Variants in PLCB4 observed in about 807,000 individuals in gnomAD.
The protein encoded by PLCB4 is phospholipase C beta 4, also known as 1-phosphatidylinositol 4,5-bisphosphate phosphodiesterase beta-4.
A neutral mutation model predicts 178.8 loss-of-function variants in PLCB4; 77 were observed. The ratio of observed to expected loss-of-function variants is 0.43; its 90% CI spans 0.36 to 0.52. PLCB4 has a LOEUF of 0.52. Among genes scored for constraint, PLCB4 ranks in the 20% least tolerant of loss-of-function variants. The pLI is 0.00. For synonymous variants in PLCB4, 496 were observed against 490.8 expected (o/e 1.01, Z -0.14); for missense variants, 1,024 against 1,453.4 (o/e 0.70, Z 4.80).
chr20:9,377,110 T>G (rs1223321809), intron 12 of PLCB4, among the ~76,000 whole-genome samples: 2 of 152,146 alleles, frequency 1.3e-5, no homozygotes, highest in Non-Finnish European at 2.9e-5. Context: ...AACATTCATC[T>G]CTCCCAGTGC....
At chr20:9,284,737 A>G (rs941723451) in intron 3 of PLCB4, among the ~76,000 whole-genome samples, 3 of 152,122 alleles carry the variant, frequency 2.0e-5, no homozygotes, top group African/African-American at 7.2e-5. Context: ...AATAGATCAG[A>G]GATAAATAGA....
chr20:9,463,470 G>A (rs1397750068), intron 35 of PLCB4, among the ~76,000 whole-genome samples: 1 of 151,484 alleles, frequency 6.6e-6, no homozygotes, highest in Admixed American at 6.6e-5. Context: ...ACACAGACTG[G>A]CAAACTGGAT....
At chr20:9,394,742 G>A (rs1173472966) in intron 18 of PLCB4, among the ~76,000 whole-genome samples, 8 of 152,034 alleles carry the variant, frequency 5.3e-5, no homozygotes, top group Non-Finnish European at 8.8e-5. Context: ...CAGCCAAAAC[G>A]TATATATATT....
intron 7 of PLCB4, 36 bp downstream of exon 7, chr20:9,339,073 C>T: frequency 6.5e-7 from 1 of 1,544,076 alleles, no homozygotes. Context: ...CTCTTCCCCA[C>T]CATGTATATA....
intron 28 of PLCB4, among the ~76,000 whole-genome samples, chr20:9,429,328 C>T (rs770389845): frequency 6.6e-6 from 1 of 152,068 alleles, no homozygotes; most frequent in Non-Finnish European, 1.5e-5. Flanking sequence ...CAGTGGATGC[C>T]GATCAGCACT....
intron 2 of PLCB4, among the ~76,000 whole-genome samples, chr20:9,190,666 T>C (rs930721937): frequency 2.0e-5 from 3 of 151,756 alleles, no homozygotes; most frequent in African/African-American, 7.3e-5. Flanking sequence ...AAAGAAGGAG[T>C]CAAAAATAAC....
At chr20:9,286,530 A>G (rs1241141943) in intron 3 of PLCB4, among the ~76,000 whole-genome samples, 2 of 152,026 alleles carry the variant, frequency 1.3e-5, no homozygotes, top group Non-Finnish European at 2.9e-5. Context: ...GTTTTATTCC[A>G]TGAGGCCAAG....
At chr20:9,118,351 G>A (rs1054861148) in intron 2 of PLCB4, among the ~76,000 whole-genome samples, 12 of 147,388 alleles carry the variant, frequency 8.1e-5, no homozygotes, top group Admixed American at 4.8e-4. Context: ...ACAGAGCAAC[G>A]GTAAGTGCAA....
chr20:9,347,034 T>C (rs1462508453), intron 7 of PLCB4, among the ~76,000 whole-genome samples: 2 of 152,188 alleles, frequency 1.3e-5, no homozygotes, highest in African/African-American at 2.4e-5. Context: ...GATGGCGCTC[T>C]CTGAACTCTG....
chr20:9,314,732 CCT>C (rs1178956312), intron 4 of PLCB4, among the ~76,000 whole-genome samples: 1 of 152,058 alleles, frequency 6.6e-6, no homozygotes, highest in Non-Finnish European at 1.5e-5. Flanking sequence ...GGCGCATCTT[CCT>C]CTCTCAGTCC....
chr20:9,211,944 G>C (rs1188889266), intron 2 of PLCB4, among the ~76,000 whole-genome samples: 2 of 152,142 alleles, frequency 1.3e-5, no homozygotes, highest in Non-Finnish European at 2.9e-5. Context: ...GTTCCGCTTT[G>C]GGAAATAATG....
chr20:9,326,038 G>A (rs114619156), intron 4 of PLCB4, among the ~76,000 whole-genome samples: 2,544 of 152,162 alleles, frequency 0.017, 71 homozygotes, highest in African/African-American at 0.058. Context: ...AGGGGCAGCC[G>A]TCTCTCTGGA....
rs528043328 is a variant in PLCB4, at chr20:9,220,477, C to CA, written c.-16+3033dup. ...TCAAACCCTGTCTCTACTAAAAATACAAAAAAAAGTTAGCTGGGCATGGTG... is the reference window on the plus strand; with the variant it reads ...TCAAACCCTGTCTCTACTAAAAATACAAAAAAAAAGTTAGCTGGGCATGGTG... On this transcript the variant is annotated intron_variant, in intron 3 of 39. Transcript: ENST00000378473. Among the ~76,000 whole-genome samples, 11 of 151,934 alleles carry CA rather than the reference C, an allele frequency of 7.2e-5. No individual in the cohort carries two copies. In the South Asian group the frequency reaches 1.9e-3, roughly 26 times the overall value.
At chr20:9,280,398 C>T (rs897455655) in intron 3 of PLCB4, 20 of 949,186 alleles carry the variant, frequency 2.1e-5, no homozygotes, top group Non-Finnish European at 6.3e-6. Context: ...GAAGACCTAT[C>T]AAAGGACAAA....
At chr20:9,250,569 T>C (rs1026400432) in intron 3 of PLCB4, among the ~76,000 whole-genome samples, 2 of 152,214 alleles carry the variant, frequency 1.3e-5, no homozygotes, top group Non-Finnish European at 2.9e-5. Context: ...GAAGTGTCCT[T>C]TTGAGATGTG....
At chr20:9,474,376 A>C (rs1331614964) in intron 38 of PLCB4, among the ~76,000 whole-genome samples, 2 of 152,200 alleles carry the variant, frequency 1.3e-5, no homozygotes, top group Non-Finnish European at 2.9e-5. Flanking sequence ...ACCTTTAATT[A>C]ATGGAAATCC....
rs1300329293 is a variant in PLCB4 at position 9,442,469 on chromosome 20, G to A, written c.2765-1512G>A. 1.1e-4 allele frequency among the ~76,000 whole-genome samples: 16 copies of A among 152,068 alleles called. 1 individual carries two copies. The highest frequency in any genetic ancestry group is 1.0e-3 in the Admixed American group (16 of 15,256). Reference sequence around the variant, plus strand: ...AAAACACAAAACCAGGTAGTTGAGGGAAGTTTATGTTTTTGTAGGTTCCTT... The same window carrying A: ...AAAACACAAAACCAGGTAGTTGAGGAAAGTTTATGTTTTTGTAGGTTCCTT... On this transcript the variant is annotated intron_variant, in intron 30 of 39. Transcript: ENST00000378473.
At chr20:9,092,817 G>A (rs1010548455) in intron 1 of PLCB4, among the ~76,000 whole-genome samples, 1 of 152,002 alleles carries the variant, frequency 6.6e-6, no homozygotes, top group Non-Finnish European at 1.5e-5. Flanking sequence ...TGAGGGATTG[G>A]GACTTGTTTA....
chr20:9,108,020 G>C (rs1237514067), intron 2 of PLCB4, among the ~76,000 whole-genome samples: 1 of 152,142 alleles, frequency 6.6e-6, no homozygotes, highest in East Asian at 1.9e-4. Context: ...GGATTCCAAG[G>C]TTTTGTGCCT....
Sources: gnomAD v4.1 joint callset for allele counts (sites outside exome capture counted in the v4.1 genomes callset) on GRCh38, gnomAD v4.1.1 for gene constraint, MANE v1.5 for transcripts, NCBI Gene and HGNC (gene_info 2026-07-23, HGNC 2026-07-21) for gene names.